The following DOK6 variants were observed in gnomAD, a reference collection of about 807,000 sequenced individuals.
DOK6 encodes the protein downstream of tyrosine kinase 6.
Under a neutral mutation model 44.0 loss-of-function variants are expected in DOK6, and 22 were observed. The ratio of observed to expected loss-of-function variants is 0.50; its 90% CI spans 0.36 to 0.71. The LOEUF is 0.71. DOK6 is among the 30% of genes least tolerant of loss of function. DOK6 has a pLI of 0.00. For synonymous variants in DOK6, 166 were observed against 145.5 expected, an observed-to-expected ratio of 1.14 and a Z score of -1.01; for missense variants, 340 against 416.4, an observed-to-expected ratio of 0.82 and a Z score of 1.60.
intron 1 of DOK6, among the ~76,000 whole-genome samples, chr18:69,467,205 G>T (rs376506096): frequency 6.6e-6 from 1 of 152,078 alleles, no homozygotes; most frequent in African/African-American, 2.4e-5. Context: ...ATGAAAACAC[G>T]CCATATTCTA....
At chr18:69,712,203 T>A (rs372430282) in intron 5 of DOK6, among the ~76,000 whole-genome samples, 2 of 126,958 alleles carry the variant, frequency 1.6e-5, no homozygotes, top group Non-Finnish European at 3.2e-5. Context: ...ATGGCGTGAA[T>A]CCGGGAGGCA....
At chr18:69,717,966 A>T (rs1986922060) in intron 5 of DOK6, among the ~76,000 whole-genome samples, 1 of 152,226 alleles carries the variant, frequency 6.6e-6, no homozygotes, top group African/African-American at 2.4e-5. Context: ...AAAAAATATT[A>T]ATAGAGTAAT....
chr18:69,581,514 T>C (rs1189607060), intron 2 of DOK6, among the ~76,000 whole-genome samples: 1 of 152,160 alleles, frequency 6.6e-6, no homozygotes, highest in Non-Finnish European at 1.5e-5. Flanking sequence ...GGGAGGGAAT[T>C]TTTTAGGCTG....
intron 3 of DOK6, among the ~76,000 whole-genome samples, chr18:69,649,364 A>T (rs1009379305): frequency 2.0e-5 from 3 of 152,240 alleles, no homozygotes; most frequent in Non-Finnish European, 4.4e-5. Flanking sequence ...GATCTAAAAA[A>T]TGACACCCTT....
chr18:69,641,838 C>CAA (rs148011704), intron 3 of DOK6, among the ~76,000 whole-genome samples: 2 of 151,816 alleles, frequency 1.3e-5, no homozygotes, highest in Non-Finnish European at 1.5e-5. Context: ...AAAACACACA[C>CAA]ACAAAAAAAG....
intron 3 of DOK6, among the ~76,000 whole-genome samples, chr18:69,652,943 T>C (rs1302789985): frequency 6.6e-6 from 1 of 152,208 alleles, no homozygotes. Context: ...TTCAGACCCA[T>C]GTATATTCCC....
At chr18:69,817,223 T>C (rs184517696) in intron 7 of DOK6, among the ~76,000 whole-genome samples, 1 of 152,324 alleles carries the variant, frequency 6.6e-6, no homozygotes, top group East Asian at 1.9e-4. Flanking sequence ...GAACTGACTC[T>C]TCATTTGTGA....
In DOK6 at chr18:69,830,433, T is replaced by TA. The variant is rs201482239; in HGVS notation, c.857-10810dup. 2.4e-3 allele frequency among the ~76,000 whole-genome samples: 358 copies of TA among 152,154 alleles called. 3 individuals are homozygous for TA. Among genetic ancestry groups the TA allele is most frequent in the African/African-American group, 8.1e-3 (338 of 41,500 alleles). The stretch of plus-strand genomic sequence containing the variant: ...TGGTGTTCTTATAAGAAAAGGAGAT[T>TA]AGGACAACTGACATGCTCACACACA... On this transcript the variant is annotated intron_variant, in intron 7 of 7. Coordinates refer to ENST00000382713, the MANE Select transcript of DOK6 (RefSeq NM_152721.6).
intron 1 of DOK6, among the ~76,000 whole-genome samples, chr18:69,484,877 G>T (rs1174027998): frequency 6.6e-6 from 1 of 152,058 alleles, no homozygotes; most frequent in Non-Finnish European, 1.5e-5. Context: ...TGGAAATCAT[G>T]ACTAATAAAT....
At chr18:69,756,319 T>C (rs1439800371) in intron 6 of DOK6, among the ~76,000 whole-genome samples, 1 of 152,116 alleles carries the variant, frequency 6.6e-6, no homozygotes, top group Non-Finnish European at 1.5e-5. Context: ...AACCACAGGA[T>C]GTGGATGTGG....
chr18:69,601,579 CA>C (rs1983873582), intron 3 of DOK6, among the ~76,000 whole-genome samples: 1 of 152,192 alleles, frequency 6.6e-6, no homozygotes, highest in African/African-American at 2.4e-5. Flanking sequence ...AACTCCCAAC[CA>C]GGGGCTGGAG....
intron 1 of DOK6, among the ~76,000 whole-genome samples, chr18:69,411,223 G>A (rs1978304646): frequency 6.6e-6 from 1 of 152,184 alleles, no homozygotes; most frequent in South Asian, 2.1e-4. Flanking sequence ...GTGTCTAGAT[G>A]AGATGAGTGT....
At chr18:69,501,902 A>G (rs1468239382) in intron 1 of DOK6, among the ~76,000 whole-genome samples, 2 of 152,136 alleles carry the variant, frequency 1.3e-5, no homozygotes, top group East Asian at 1.9e-4. Flanking sequence ...CATTGTTATT[A>G]TGATCACATC....
chr18:69,449,481 T>G (rs927301949), intron 1 of DOK6, among the ~76,000 whole-genome samples: 2 of 152,234 alleles, frequency 1.3e-5, no homozygotes, highest in African/African-American at 4.8e-5. Flanking sequence ...ATAAGGAATT[T>G]TTCATTAACT....
intron 1 of DOK6, among the ~76,000 whole-genome samples, chr18:69,460,978 G>T (rs1019895514): frequency 6.6e-6 from 1 of 152,176 alleles, no homozygotes; most frequent in African/African-American, 2.4e-5. Flanking sequence ...TTTGAGGAAA[G>T]CACAGAAAAG....
chr18:69,644,619 GTGCCC>G (rs1162248247), intron 3 of DOK6, among the ~76,000 whole-genome samples: 4 of 152,076 alleles, frequency 2.6e-5, no homozygotes, highest in African/African-American at 7.2e-5. Context: ...CTATGTATCT[GTGCCC>G]TGCCGAGACC....
At chr18:69,673,421 A>C (rs183444476) in intron 3 of DOK6, among the ~76,000 whole-genome samples, 107 of 152,278 alleles carry the variant, frequency 7.0e-4, no homozygotes, top group Middle Eastern at 3.4e-3. Flanking sequence ...GATCCCCTTC[A>C]AATCAGAATT....
chr18:69,731,496 A>G (rs1978399540), intron 5 of DOK6, among the ~76,000 whole-genome samples: 1 of 152,136 alleles, frequency 6.6e-6, no homozygotes, highest in African/African-American at 2.4e-5. Context: ...TCTTATATTT[A>G]TTTTCTATTT....
At chr18:69,499,851 G>A (rs1980999206) in intron 1 of DOK6, among the ~76,000 whole-genome samples, 1 of 152,212 alleles carries the variant, frequency 6.6e-6, no homozygotes, top group East Asian at 1.9e-4. Context: ...GAAAGGCTTA[G>A]AGTCATTCCT....
Sources: gnomAD v4.1 joint callset for allele counts (sites outside exome capture counted in the v4.1 genomes callset) on GRCh38, gnomAD v4.1.1 for gene constraint, MANE v1.5 for transcripts, NCBI Gene and HGNC (gene_info 2026-07-23, HGNC 2026-07-21) for gene names.